The following NKX2-2 variants were observed in gnomAD, a reference collection of about 807,000 sequenced individuals.
NKX2-2 encodes homeobox protein Nkx-2.2.
In NKX2-2, 8 loss-of-function variants were observed where a neutral mutation model predicts 24.6. The observed-to-expected ratio is 0.32, with a 90% CI of 0.19 to 0.59. The LOEUF (loss-of-function observed/expected upper bound fraction) is 0.59, where lower values mean the gene tolerates loss of function less well. Among genes scored for constraint, NKX2-2 ranks in the 20% least tolerant of loss-of-function variants. NKX2-2 has a pLI of 0.86. For synonymous variants in NKX2-2, 217 were observed against 173.3 expected, an observed-to-expected ratio of 1.25 and a Z score of -1.98; for missense variants, 381 against 373.9, an observed-to-expected ratio of 1.02 and a Z score of -0.16.
At chr20:21,522,433 T>A in the NKX2-2 span, among the ~76,000 whole-genome samples, 2 of 152,086 alleles carry the variant, frequency 1.3e-5, no homozygotes, top group Non-Finnish European at 2.9e-5. Context: ...AGTCAGCGCC[T>A]GGCAGCGAGG....
At chr20:21,515,956 C>T (rs1441973026), upstream of NKX2-2, among the ~76,000 whole-genome samples, 1 of 152,192 alleles carries the variant, frequency 6.6e-6, no homozygotes, top group Non-Finnish European at 1.5e-5. Flanking sequence ...AGCCCCTCGT[C>T]GGCGCGTCCT....
chr20:21,512,890 GT>G (rs993184276), intron 1 of NKX2-2, among the ~76,000 whole-genome samples: 1 of 152,186 alleles, frequency 6.6e-6, no homozygotes, highest in African/African-American at 2.4e-5. Flanking sequence ...TTTAAGGCAG[GT>G]TTTTGGGGGC....
rs1980426479 is a variant in NKX2-2, at chr20:21,511,487, C to T, written c.*436G>A. 1 of 157,314 alleles carries T rather than the reference C, an allele frequency of 6.4e-6. No homozygotes were observed. Among genetic ancestry groups the T allele is most frequent in the South Asian group, 2.1e-4 (1 of 4,852 alleles). 9.7% of individuals were successfully genotyped at this position (157,314 alleles called of 1,614,324 possible). On this transcript the variant is annotated 3_prime_UTR_variant, in exon 2 of 2. Transcript: ENST00000377142. The stretch of plus-strand genomic sequence containing the variant: ...ATTCTCTGTATTTTTAAAGTGTTCT[C>T]CACTTGCTTTAGAAGACGGCTGACA...
Position 21,513,764 on chromosome 20 carries a change from T to A in NKX2-2, c.-95A>T. 2.0e-5 allele frequency: 1 copy of A among 50,748 alleles called. No individual in the cohort carries two copies. Among genetic ancestry groups the A allele is most frequent in the Admixed American group, 3.0e-4 (1 of 3,380 alleles). 3.1% of individuals were successfully genotyped at this position (50,748 alleles called of 1,614,324 possible). On this transcript the variant is annotated 5_prime_UTR_variant, in exon 1 of 2. Transcript: ENST00000377142. The surrounding 1 kb of genome is among the most constrained non-coding windows in gnomAD (Gnocchi z 4.6). ...CCCGGCGGGCGGGGGAGGGGGGAGT[T>A]GGGGGGAGGGACTGGGGGAGGGGAG...
chr20:21,521,326 G>A, the NKX2-2 span, among the ~76,000 whole-genome samples: 1 of 152,144 alleles, frequency 6.6e-6, no homozygotes, highest in African/African-American at 2.4e-5. Context: ...GGTTGGGGCG[G>A]AGGGGGCGCC....
At chr20:21,519,610 T>C in the NKX2-2 span, among the ~76,000 whole-genome samples, 1 of 152,198 alleles carries the variant, frequency 6.6e-6, no homozygotes, top group African/African-American at 2.4e-5. Context: ...CGACTTCCAA[T>C]GCGGGAGCAG....
At chr20:21,516,459 G>A (rs188036579), upstream of NKX2-2, among the ~76,000 whole-genome samples, 2 of 148,566 alleles carry the variant, frequency 1.3e-5, no homozygotes, top group African/African-American at 2.5e-5. Flanking sequence ...GCCCTTTCAC[G>A]TGGGAGCTCG....
the NKX2-2 span, among the ~76,000 whole-genome samples, chr20:21,522,486 C>A: frequency 2.6e-5 from 4 of 152,086 alleles, no homozygotes; most frequent in African/African-American, 9.7e-5. Flanking sequence ...GGCTCCGCTG[C>A]GGCTCCCGGG....
rs1980516654 is a variant in NKX2-2 at position 21,513,480 on chromosome 20, G to T, written c.190C>A (p.Pro64Thr). The change falls in exon 1 of 2, where the codon CCC becomes ACC. Residue 64 changes from proline (P) to threonine (T), a missense_variant. By Grantham distance (38) the Pro-to-Thr change is conservative. Around this residue, in one of 3 missense-constraint regions of NKX2-2, gnomAD observed 206 missense variants for 173.1 expected, o/e 1.19. Coordinates refer to ENST00000377142, the MANE Select transcript of NKX2-2 (RefSeq NM_002509.4). The surrounding 1 kb of genome is among the most constrained non-coding windows in gnomAD (Gnocchi z 4.6). ...DAVQSLPLKNPFYDSSDNPYT... is the reference protein window; with the variant it reads ...DAVQSLPLKNTFYDSSDNPYT... The stretch of plus-strand genomic sequence containing the variant: ...GGGTTGTCGCTGCTGTCGTAGAAGG[G>T]GTTCTTCAGGGGCAGGCTCTGCACC... 6.2e-7 allele frequency: 1 copy of T among 1,610,896 alleles called. No individual in the cohort carries two copies. The highest frequency in any genetic ancestry group is 8.5e-7 in the Non-Finnish European group (1 of 1,178,598).
At chr20:21,519,945 G>C in the NKX2-2 span, among the ~76,000 whole-genome samples, 3 of 152,230 alleles carry the variant, frequency 2.0e-5, no homozygotes, top group East Asian at 5.8e-4. Context: ...ACGAGAAAGT[G>C]GGCATTAGTG....
Position 21,513,956 on chromosome 20 carries a change from CG to C in NKX2-2, c.-288del. ...CGGGCGGCCTGCGCGCCGAGCGCCG[CG>C]GGCCCCGGCCTTAGTTTCTAACTCC... is the stretch of plus-strand genomic sequence containing the variant. On this transcript the variant is annotated 5_prime_UTR_variant, in exon 1 of 2. Coordinates refer to ENST00000377142, the MANE Select transcript of NKX2-2 (RefSeq NM_002509.4). This position sits in a 1 kb window ranked among gnomAD's most constrained non-coding sequence, Gnocchi z 4.6. 1 of 232,210 alleles carries C rather than the reference CG, an allele frequency of 4.3e-6. No individual in the cohort carries two copies. Among genetic ancestry groups the C allele is most frequent in the Non-Finnish European group, 8.3e-6 (1 of 121,010 alleles). 14.4% of individuals were successfully genotyped at this position (232,210 alleles called of 1,614,324 possible).
At position 21,511,946 on chromosome 20, in the gene NKX2-2, G is replaced by C; in HGVS notation, c.799C>G (p.Gln267Glu). Reference sequence around the variant, plus strand: ...GCTCACCAAGTCCACTGCTGGGCCTGGACCAGGGGGTGTGCTGTCGGGTAC... The same window carrying C: ...GCTCACCAAGTCCACTGCTGGGCCTCGACCAGGGGGTGTGCTGTCGGGTAC... The part of the protein sequence containing the change: ...PQYPTAHPLV[Q>E]AQQWTW The change falls in exon 2 of 2, where the codon CAG becomes GAG. Residue 267 changes from glutamine to glutamate, a missense_variant. Gln to Glu is a conservative substitution (Grantham distance 29, BLOSUM62 2). Transcript: ENST00000377142. 1.9e-6 allele frequency: 3 copies of C among 1,598,474 alleles called. No individual in the cohort carries two copies. The highest frequency in any genetic ancestry group is 2.6e-6 in the Non-Finnish European group (3 of 1,172,978).
upstream of NKX2-2, among the ~76,000 whole-genome samples, chr20:21,517,092 C>A (rs1980659251): frequency 1.3e-5 from 2 of 152,306 alleles, no homozygotes; most frequent in South Asian, 4.1e-4. Flanking sequence ...GGGAGTGCTG[C>A]CATAGGCGCC....
the NKX2-2 span, among the ~76,000 whole-genome samples, chr20:21,521,465 C>G: frequency 6.6e-6 from 1 of 152,166 alleles, no homozygotes. Flanking sequence ...AGTCTTCAGT[C>G]GCCTCTCCAG....
upstream of NKX2-2, among the ~76,000 whole-genome samples, chr20:21,516,500 G>T (rs1980643788): frequency 6.6e-6 from 1 of 151,850 alleles, no homozygotes; most frequent in Non-Finnish European, 1.5e-5. Context: ...AGGGAAGTTG[G>T]TTCTCCAGGA....
At chr20:21,521,202 C>T in the NKX2-2 span, among the ~76,000 whole-genome samples, 2 of 152,176 alleles carry the variant, frequency 1.3e-5, no homozygotes, top group South Asian at 4.2e-4. Flanking sequence ...GGTTCACAAC[C>T]TTCCCCTAGA....
At chr20:21,517,153 G>T (rs568530034), upstream of NKX2-2, among the ~76,000 whole-genome samples, 1 of 152,162 alleles carries the variant, frequency 6.6e-6, no homozygotes, top group Non-Finnish European at 1.5e-5. Flanking sequence ...TTGCCTTTGC[G>T]CCTGCCCCTT....
At chr20:21,517,801 C>T (rs533670590), upstream of NKX2-2, among the ~76,000 whole-genome samples, 1 of 152,312 alleles carries the variant, frequency 6.6e-6, no homozygotes, top group African/African-American at 2.4e-5. Flanking sequence ...GAGGCCTCCC[C>T]GAGAGTACCA....
upstream of NKX2-2, among the ~76,000 whole-genome samples, chr20:21,515,009 A>G (rs538724311): frequency 6.3e-4 from 84 of 132,908 alleles, no homozygotes; most frequent in African/African-American, 2.3e-3. Context: ...CTCTGCGGCC[A>G]AGGAGGACGC....
Sources: allele counts gnomAD v4.1 joint callset (sites outside exome capture counted in the v4.1 genomes callset), GRCh38; gene constraint gnomAD v4.1.1; regional missense constraint gnomAD v4.1.1; non-coding constraint Gnocchi (gnomAD v3.1); transcripts MANE v1.5; gene names NCBI Gene and HGNC (gene_info 2026-07-23, HGNC 2026-07-21).